MAST4: variants seen among roughly 807,000 people sequenced by gnomAD.
MAST4 encodes the protein microtubule-associated serine/threonine-protein kinase 4.
In MAST4, 89 loss-of-function variants were observed where a neutral mutation model predicts 162.7. The observed-to-expected ratio is 0.55, with a 90% CI of 0.46 to 0.65. The LOEUF (loss-of-function observed/expected upper bound fraction) is 0.65. MAST4 is among the 30% of genes least tolerant of loss of function. The probability of loss-of-function intolerance (pLI) is 0.00; values close to 1 mark genes in which losing one functional copy is unlikely to be tolerated. For missense variants in MAST4, 3,153 were observed against 3,374.0 expected (o/e 0.93, Z 1.62); for synonymous variants, 1,479 against 1,361.1 (o/e 1.09, Z -1.91).
At chr5:67,160,335 A>G in intron 26 of MAST4, 121 bp from the exon 27 acceptor site, 10 of 1,025,018 alleles carry the variant, frequency 9.8e-6, no homozygotes, top group Non-Finnish European at 1.2e-5. Flanking sequence ...TTATTTAGAA[A>G]CAGAAGGCCT....
chr5:66,793,919 G>A (rs1283695751), intron 3 of MAST4, among the ~76,000 whole-genome samples: 1 of 152,128 alleles, frequency 6.6e-6, no homozygotes, highest in South Asian at 2.1e-4. Flanking sequence ...CTACTCTAAT[G>A]TAAATTTCAT....
chr5:67,158,045 G>C (rs1447020162), intron 26 of MAST4, among the ~76,000 whole-genome samples: 2 of 152,116 alleles, frequency 1.3e-5, no homozygotes, highest in Non-Finnish European at 2.9e-5. Context: ...ATATGGAAGA[G>C]GACTGAAGGA....
chr5:66,717,520 C>T (rs1014878085), intron 1 of MAST4, among the ~76,000 whole-genome samples: 10 of 152,094 alleles, frequency 6.6e-5, no homozygotes, highest in African/African-American at 2.4e-4. Flanking sequence ...ATGGTTACAC[C>T]TAGTGCAGTC....
chr5:67,149,443 A>G lies in MAST4; in HGVS notation c.3149A>G (p.Asp1050Gly), dbSNP rs369578830. The change falls in exon 24 of 29, where the codon GAC becomes GGC. Residue 1050 changes from aspartate to glycine, a missense_variant. Asp to Gly is a moderately conservative substitution (Grantham distance 94, BLOSUM62 -1). Around this residue, in one of 7 missense-constraint regions of MAST4, gnomAD observed 619 missense variants for 744.2 expected, o/e 0.83. Coordinates refer to ENST00000403625, the MANE Select transcript of MAST4 (RefSeq NM_001164664.2). ...ATAAATGGACGAAGCGAGTGTGTGG[A>G]CAGTACAGATAATTCCTCAAAGCCA... ...DQINGRSECV[D>G]STDNSSKPSS... 24 of 1,613,646 alleles carry G rather than the reference A, an allele frequency of 1.5e-5. No homozygotes were observed. Among genetic ancestry groups the G allele is most frequent in the Middle Eastern group, 3.3e-4 (2 of 6,082 alleles).
chr5:66,733,545 C>T (rs542112556), intron 1 of MAST4, among the ~76,000 whole-genome samples: 128 of 152,148 alleles, frequency 8.4e-4, no homozygotes, highest in African/African-American at 2.8e-3. Context: ...TTGCAACCTC[C>T]GCCTCGGGTT....
intron 4 of MAST4, among the ~76,000 whole-genome samples, chr5:67,025,827 C>T (rs960189408): frequency 6.6e-6 from 1 of 152,150 alleles, no homozygotes; most frequent in Non-Finnish European, 1.5e-5. Flanking sequence ...CTCTGGAGGG[C>T]CCCAAGGCCC....
At chr5:66,712,186 A>C (rs1750539077) in intron 1 of MAST4, among the ~76,000 whole-genome samples, 1 of 152,238 alleles carries the variant, frequency 6.6e-6, no homozygotes, top group South Asian at 2.1e-4. Context: ...GTACATACAC[A>C]ATGCACACTT....
intron 4 of MAST4, among the ~76,000 whole-genome samples, chr5:66,992,670 C>T (rs1027761163): frequency 3.3e-5 from 5 of 152,146 alleles, no homozygotes; most frequent in South Asian, 2.1e-4. Flanking sequence ...GATGTAGGAA[C>T]GGGCAGTTGT....
intron 3 of MAST4, among the ~76,000 whole-genome samples, chr5:66,833,565 C>A (rs1757758121): frequency 6.6e-6 from 1 of 152,174 alleles, no homozygotes. Context: ...CTTCCAGATT[C>A]CTGTTTCATA....
intron 4 of MAST4, among the ~76,000 whole-genome samples, chr5:67,033,174 T>TAA (rs1278993482): frequency 7.0e-6 from 1 of 142,418 alleles, no homozygotes; most frequent in African/African-American, 2.6e-5. Context: ...ATCTAACCCT[T>TAA]AAAAAAAAAA....
chr5:66,690,715 T>C (rs1404007220), intron 1 of MAST4, among the ~76,000 whole-genome samples: 5 of 152,244 alleles, frequency 3.3e-5, no homozygotes, highest in East Asian at 1.9e-4. Context: ...GAGGAGGTGA[T>C]TGGAAAAATT....
chr5:66,635,909 T>C (rs1006870597), intron 1 of MAST4, among the ~76,000 whole-genome samples: 2 of 147,668 alleles, frequency 1.4e-5, no homozygotes, highest in Admixed American at 1.4e-4. Flanking sequence ...CCACACTTCC[T>C]ATCCAAGGTT....
At chr5:67,104,647 A>G (rs1292397109) in intron 10 of MAST4, 72 bp downstream of exon 10, 2 of 1,226,610 alleles carry the variant, frequency 1.6e-6, no homozygotes, top group Admixed American at 4.3e-5. Context: ...TTTTGCTTAC[A>G]AGTTATAACC....
At chr5:66,790,484 T>C (rs1222452030) in intron 3 of MAST4, among the ~76,000 whole-genome samples, 1 of 152,226 alleles carries the variant, frequency 6.6e-6, no homozygotes, top group Non-Finnish European at 1.5e-5. Context: ...ACTTCAAAAT[T>C]GACTATTTAA....
At chr5:66,904,480 T>G (rs935161773) in intron 4 of MAST4, among the ~76,000 whole-genome samples, 17 of 152,302 alleles carry the variant, frequency 1.1e-4, no homozygotes, top group African/African-American at 3.6e-4. Flanking sequence ...TCTTAGCAAA[T>G]AGATTCTCCC....
chr5:67,027,849 A>G (rs1318345551), intron 4 of MAST4, among the ~76,000 whole-genome samples: 3 of 152,184 alleles, frequency 2.0e-5, no homozygotes, highest in Non-Finnish European at 2.9e-5. Flanking sequence ...TCACTTGGAG[A>G]TGAAGCTTGG....
At chr5:66,833,424 C>T (rs1757749203) in intron 3 of MAST4, among the ~76,000 whole-genome samples, 1 of 152,148 alleles carries the variant, frequency 6.6e-6, no homozygotes, top group Non-Finnish European at 1.5e-5. Flanking sequence ...CTTTTTAGCC[C>T]AGAGTCCATA....
intron 1 of MAST4, among the ~76,000 whole-genome samples, chr5:66,754,300 A>G (rs1361479612): frequency 6.6e-6 from 1 of 152,166 alleles, no homozygotes; most frequent in Non-Finnish European, 1.5e-5. Context: ...TTCAATGGTT[A>G]TTTAGGAATT....
intron 12 of MAST4, chr5:67,114,472 G>A (rs1166187335): frequency 7.3e-6 from 3 of 410,370 alleles, no homozygotes; most frequent in Non-Finnish European, 1.3e-5. Context: ...GTCAGCCTGA[G>A]AATGCCAGAG....
Sources: allele counts gnomAD v4.1 joint callset (sites outside exome capture counted in the v4.1 genomes callset), GRCh38; gene constraint gnomAD v4.1.1; regional missense constraint gnomAD v4.1.1; transcripts MANE v1.5; gene names NCBI Gene and HGNC (gene_info 2026-07-23, HGNC 2026-07-21).